AKAP19: variants seen among roughly 807,000 people sequenced by gnomAD.
AKAP19 encodes the protein A-kinase anchoring protein 19, also known as small A-kinase anchoring protein.
chr2:190,014,771 G>A, the AKAP19 span, among the ~76,000 whole-genome samples: 1 of 152,064 alleles, frequency 6.6e-6, no homozygotes, highest in Non-Finnish European at 1.5e-5. Flanking sequence ...CTAGTAGCTG[G>A]GGTACAGGCA....
the AKAP19 span, among the ~76,000 whole-genome samples, chr2:190,022,359 A>C: frequency 6.6e-6 from 1 of 152,158 alleles, no homozygotes; most frequent in African/African-American, 2.4e-5. Context: ...TACAAAGGTA[A>C]ATTCCTAATA....
the AKAP19 span, among the ~76,000 whole-genome samples, chr2:190,097,018 A>C: frequency 1.3e-5 from 2 of 152,206 alleles, no homozygotes; most frequent in African/African-American, 4.8e-5. Flanking sequence ...AGAGACACAA[A>C]CATTCAAACC....
the AKAP19 span, among the ~76,000 whole-genome samples, chr2:190,107,362 A>T: frequency 6.6e-6 from 1 of 152,262 alleles, no homozygotes; most frequent in South Asian, 2.1e-4. Context: ...CTGACAGAAC[A>T]TCTGGTACAA....
the AKAP19 span, chr2:190,062,543 A>C: frequency 2.5e-6 from 4 of 1,613,196 alleles, no homozygotes; most frequent in Non-Finnish European, 8.5e-7. Context: ...CCACTGGACC[A>C]GCAACAATCA....
chr2:189,967,286 T>C, the AKAP19 span, among the ~76,000 whole-genome samples: 13 of 152,332 alleles, frequency 8.5e-5, no homozygotes, highest in Non-Finnish European at 1.6e-4. Context: ...CAACCTGGAA[T>C]AGGGAACCTA....
the AKAP19 span, among the ~76,000 whole-genome samples, chr2:189,954,685 A>G: frequency 6.6e-6 from 1 of 152,218 alleles, no homozygotes; most frequent in African/African-American, 2.4e-5. Context: ...ATCATAAGTG[A>G]CTAATTTTTT....
chr2:190,121,082 T>A, the AKAP19 span, among the ~76,000 whole-genome samples: 2 of 150,670 alleles, frequency 1.3e-5, no homozygotes, highest in South Asian at 2.1e-4. Flanking sequence ...AAATTTTTTT[T>A]AAAAGTGTAT....
chr2:190,018,173 C>T, the AKAP19 span, among the ~76,000 whole-genome samples: 1 of 152,124 alleles, frequency 6.6e-6, no homozygotes, highest in African/African-American at 2.4e-5. Context: ...GCTTCCCATA[C>T]CTCAATATTT....
At chr2:190,079,412 T>C in the AKAP19 span, 1 of 152,248 alleles carries the variant, frequency 6.6e-6, no homozygotes, top group Admixed American at 6.5e-5. Context: ...CTACCACTTT[T>C]TTAGCTGGCA....
chr2:190,037,354 A>G, the AKAP19 span, among the ~76,000 whole-genome samples: 1 of 152,246 alleles, frequency 6.6e-6, no homozygotes. Context: ...GTTATTATAA[A>G]TCTTATATTA....
chr2:190,172,560 TA>T, the AKAP19 span, among the ~76,000 whole-genome samples: 2 of 152,178 alleles, frequency 1.3e-5, no homozygotes, highest in African/African-American at 4.8e-5. Flanking sequence ...TTACAATGGA[TA>T]CTGCTCATGA....
At chr2:190,071,115 A>C in the AKAP19 span, among the ~76,000 whole-genome samples, 27 of 152,312 alleles carry the variant, frequency 1.8e-4, no homozygotes, top group Middle Eastern at 3.4e-3. Context: ...TAACAAAAAC[A>C]TTTAAAAACC....
the AKAP19 span, among the ~76,000 whole-genome samples, chr2:189,903,780 C>T: frequency 6.6e-6 from 1 of 151,892 alleles, no homozygotes; most frequent in African/African-American, 2.4e-5. Flanking sequence ...TTTTCCAACC[C>T]ATGTTCCCCC....
At chr2:190,004,056 G>A in the AKAP19 span, among the ~76,000 whole-genome samples, 3 of 150,274 alleles carry the variant, frequency 2.0e-5, no homozygotes, top group East Asian at 5.9e-4. Flanking sequence ...CATTTTGGGG[G>A]AGCCTGGATT....
At chr2:190,012,475 C>T in the AKAP19 span, among the ~76,000 whole-genome samples, 1 of 151,868 alleles carries the variant, frequency 6.6e-6, no homozygotes, top group African/African-American at 2.4e-5. Context: ...GATTTTATAT[C>T]CTACAACTTT....
At chr2:190,083,662 A>T in the AKAP19 span, among the ~76,000 whole-genome samples, 2 of 152,228 alleles carry the variant, frequency 1.3e-5, no homozygotes, top group Non-Finnish European at 2.9e-5. Context: ...GGCGTGAGTT[A>T]TGGTGTCCAT....
At chr2:189,994,349 G>A in the AKAP19 span, among the ~76,000 whole-genome samples, 1 of 151,592 alleles carries the variant, frequency 6.6e-6, no homozygotes, top group Non-Finnish European at 1.5e-5. Context: ...CTTGGTTTGG[G>A]TTTGTTCTTG....
chr2:190,025,868 A>T, the AKAP19 span, among the ~76,000 whole-genome samples: 2 of 152,194 alleles, frequency 1.3e-5, no homozygotes, highest in Non-Finnish European at 2.9e-5. Context: ...TACAGTATAT[A>T]GCCTTTTAAA....
At chr2:190,099,538 T>TAAG in the AKAP19 span, among the ~76,000 whole-genome samples, 1 of 151,956 alleles carries the variant, frequency 6.6e-6, no homozygotes, top group Non-Finnish European at 1.5e-5. Flanking sequence ...ATAACAGATA[T>TAAG]AATAATAATA....
Sources: gnomAD v4.1 joint callset for allele counts (sites outside exome capture counted in the v4.1 genomes callset) on GRCh38, gnomAD v4.1.1 for gene constraint, MANE v1.5 for transcripts, NCBI Gene and HGNC (gene_info 2026-07-23, HGNC 2026-07-21) for gene names.